RASGEF1C: variants seen among roughly 807,000 people sequenced by gnomAD.
RASGEF1C encodes ras-GEF domain-containing family member 1C.
A neutral mutation model predicts 58.1 loss-of-function variants in RASGEF1C; 27 were observed. The observed-to-expected ratio is 0.46, with a 90% confidence interval of 0.34 to 0.64. The LOEUF (loss-of-function observed/expected upper bound fraction) is 0.64, where lower values mean the gene tolerates loss of function less well. Ranked by LOEUF, RASGEF1C falls within the 30% of genes least tolerant of loss-of-function variation. The probability of loss-of-function intolerance (pLI) is 0.01; values close to 1 mark genes in which losing one functional copy is unlikely to be tolerated. For missense variants in RASGEF1C, 502 were observed against 605.1 expected (o/e 0.83, Z 1.79); for synonymous variants, 243 against 246.3 (o/e 0.99, Z 0.13).
intron 1 of RASGEF1C, among the ~76,000 whole-genome samples, chr5:180,208,097 C>T (rs1258487969): frequency 6.6e-6 from 1 of 152,146 alleles, no homozygotes; most frequent in Non-Finnish European, 1.5e-5. Context: ...CGGTCGCCTG[C>T]ACAGTGGCTG....
At chr5:180,149,959 A>T (rs1457521337) in intron 1 of RASGEF1C, among the ~76,000 whole-genome samples, 2 of 151,976 alleles carry the variant, frequency 1.3e-5, no homozygotes, top group African/African-American at 2.4e-5. Flanking sequence ...TATTCAGATA[A>T]TCTCTCTATA....
chr5:180,175,637 T>A (rs1467462446), intron 1 of RASGEF1C, among the ~76,000 whole-genome samples: 2 of 152,204 alleles, frequency 1.3e-5, no homozygotes, highest in African/African-American at 4.8e-5. Context: ...AATCCACAGT[T>A]TAAAACGACC....
chr5:180,126,364 G>A (rs1159883048), intron 6 of RASGEF1C, among the ~76,000 whole-genome samples: 6 of 152,026 alleles, frequency 3.9e-5, no homozygotes, highest in East Asian at 1.9e-4. Context: ...CGGAGACCGC[G>A]CCCCTGCACT....
At position 180,138,545 on chromosome 5, in the gene RASGEF1C, G is replaced by A. The variant is rs530390464; in HGVS notation, c.-6-487C>T. Among the ~76,000 whole-genome samples the A allele has an allele frequency of 1.3e-4, 20 of 152,222 alleles. 1 individual carries two copies. In the South Asian group the frequency reaches 3.3e-3, roughly 25 times the overall value. ...TGAGCTGGTGGAATGTATGCCCGAC[G>A]CTACTGGGGCCATTGTGGCAGGAAA... On this transcript the variant is annotated intron_variant, in intron 1 of 13. Coordinates refer to ENST00000361132, the MANE Select transcript of RASGEF1C (RefSeq NM_175062.4).
At position 180,101,183 on chromosome 5, in the gene RASGEF1C, C is replaced by T. The variant is rs1199084083; in HGVS notation, c.*318G>A. On this transcript the variant is annotated 3_prime_UTR_variant, in exon 14 of 14. Transcript: ENST00000361132. ...AGGTCTCGAGCTTGCAGTGGTCCCA[C>T]CCTCTGGGGCAGTGTTGTGTCCTTG... 4 of 397,576 alleles carry T rather than the reference C, an allele frequency of 1.0e-5. No individual in the cohort carries two copies. Among genetic ancestry groups the T allele is most frequent in the African/African-American group, 2.0e-5 (1 of 49,538 alleles). The allele number at this position is 397,576 out of a possible 1,614,324, so 24.6% of individuals were successfully genotyped here. A position where few individuals can be genotyped will look rare whatever the true frequency, so the allele number is the denominator to read the frequency against.
At chr5:180,190,409 G>T (rs1372576174) in intron 1 of RASGEF1C, among the ~76,000 whole-genome samples, 3 of 149,028 alleles carry the variant, frequency 2.0e-5, no homozygotes, top group Non-Finnish European at 4.5e-5. Context: ...AGAGTGGCGT[G>T]AACCTGGGAG....
rs1410468988 is a variant in RASGEF1C at position 180,198,107 on chromosome 5, G to T, written c.-7+10921C>A. ...GGACGCTTCCTGGACAGGCTTATGG[G>T]GCGTGGCAGTTTGGGGCACCATTGG... On this transcript the variant is annotated intron_variant, in intron 1 of 13. Coordinates refer to ENST00000361132, the MANE Select transcript of RASGEF1C (RefSeq NM_175062.4). The surrounding 1 kb of genome is among the most constrained non-coding windows in gnomAD (Gnocchi z 4.5). Among the ~76,000 whole-genome samples the T allele has an allele frequency of 6.6e-6, 1 of 152,206 alleles. No homozygotes were observed. Among genetic ancestry groups the T allele is most frequent in the Admixed American group, 6.5e-5 (1 of 15,284 alleles).
intron 10 of RASGEF1C, among the ~76,000 whole-genome samples, chr5:180,116,114 T>A (rs185496878): frequency 1.3e-5 from 2 of 152,216 alleles, no homozygotes; most frequent in Non-Finnish European, 2.9e-5. Context: ...CGTGAGCACT[T>A]CTCACCCCTT....
At chr5:180,181,594 TCAAGCCAAGGAATG>T (rs745909550) in intron 1 of RASGEF1C, among the ~76,000 whole-genome samples, 12 of 152,122 alleles carry the variant, frequency 7.9e-5, no homozygotes, top group Non-Finnish European at 1.5e-4. Context: ...TGATGCGGCT[TCAAGCCAAGGAATG>T]CAGAAGATTT....
chr5:180,105,060 CT>C (rs1011814275), intron 12 of RASGEF1C, among the ~76,000 whole-genome samples: 15 of 152,184 alleles, frequency 9.9e-5, no homozygotes, highest in African/African-American at 3.4e-4. Context: ...TAACTAAGCA[CT>C]CATCAGGCAC....
chr5:180,150,925 GACAA>G (rs1486213063), intron 1 of RASGEF1C, among the ~76,000 whole-genome samples: 2 of 151,208 alleles, frequency 1.3e-5, no homozygotes, highest in African/African-American at 2.4e-5. Context: ...ACCAATAACA[GACAA>G]ACAGAGAGCC....
In RASGEF1C at chr5:180,119,349, T is replaced by C; in HGVS notation, c.904A>G (p.Ile302Val). Residue 302 changes from isoleucine (I) to valine (V), a missense_variant, in exon 8 of 14, where the codon ATC becomes GTC. Physicochemically the swap from Ile to Val is conservative, Grantham distance 29. Transcript: ENST00000361132. The stretch of plus-strand genomic sequence containing the variant: ...CAGGCCAGGCCGGCCCACTCACAGA[T>C]GATGGCCATGAGGGAGTTGAAGTTG... ...IGNFNSLMAI[I>V]SGMNMSPVSR... 1 of 1,612,344 alleles carries C rather than the reference T, an allele frequency of 6.2e-7. No homozygotes were observed.
rs770583578 is a variant in RASGEF1C, at chr5:180,137,726, G to A, written c.178-14C>T. On this transcript the variant is annotated splice_polypyrimidine_tract_variant and intron_variant, in intron 2 of 13. Coordinates refer to ENST00000361132, the MANE Select transcript of RASGEF1C (RefSeq NM_175062.4). This position sits in a 1 kb window ranked among gnomAD's most constrained non-coding sequence, Gnocchi z 4.1. ...GATGTAGGCTTTCTGGGGGACACAC[G>A]AGAAAGAGGGCACAGGCTCAGGAGG... is the stretch of plus-strand genomic sequence containing the variant. 2 of 1,612,774 alleles carry A rather than the reference G, an allele frequency of 1.2e-6. No individual in the cohort carries two copies. Among genetic ancestry groups the A allele is most frequent in the Non-Finnish European group, 1.7e-6 (2 of 1,179,824 alleles).
At chr5:180,190,382 C>A (rs371241755) in intron 1 of RASGEF1C, among the ~76,000 whole-genome samples, 1 of 149,002 alleles carries the variant, frequency 6.7e-6, no homozygotes, top group African/African-American at 2.5e-5. Context: ...CCCAGCTACT[C>A]GGGAGGCTGA....
intron 1 of RASGEF1C, among the ~76,000 whole-genome samples, chr5:180,199,563 C>T (rs1371179231): frequency 6.6e-6 from 1 of 152,204 alleles, no homozygotes; most frequent in Admixed American, 6.5e-5. Context: ...CAGAAATGCA[C>T]CAATTAGGAT....
At chr5:180,204,012 A>ATG (rs1561760936) in intron 1 of RASGEF1C, among the ~76,000 whole-genome samples, 5 of 151,028 alleles carry the variant, frequency 3.3e-5, no homozygotes, top group African/African-American at 9.7e-5. Flanking sequence ...ACAAACAAAC[A>ATG]ACAACAACAA....
intron 1 of RASGEF1C, among the ~76,000 whole-genome samples, chr5:180,152,307 C>T (rs1766765013): frequency 6.6e-6 from 1 of 152,058 alleles, no homozygotes. Context: ...AGACTTGGAA[C>T]CAACCCAAAT....
intron 1 of RASGEF1C, among the ~76,000 whole-genome samples, chr5:180,205,786 G>A (rs1456628433): frequency 6.6e-6 from 1 of 151,626 alleles, no homozygotes. Context: ...GGAGTGCAGG[G>A]GTACAATCTC....
intron 11 of RASGEF1C, among the ~76,000 whole-genome samples, chr5:180,113,259 G>A (rs1765996994): frequency 1.2e-5 from 1 of 84,390 alleles, no homozygotes; most frequent in Admixed American, 1.1e-4. Context: ...GAGGATGGAC[G>A]GAGGGACCGA....
Sources: gnomAD v4.1 joint callset for allele counts (sites outside exome capture counted in the v4.1 genomes callset) on GRCh38, gnomAD v4.1.1 for gene constraint, Gnocchi (gnomAD v3.1) non-coding constraint, MANE v1.5 for transcripts, NCBI Gene and HGNC (gene_info 2026-07-23, HGNC 2026-07-21) for gene names.